SMC5: variants seen among roughly 807,000 people sequenced by gnomAD.
The protein encoded by SMC5 is structural maintenance of chromosomes protein 5.
In SMC5, 88 loss-of-function variants were observed where a neutral mutation model predicts 148.3. The ratio of observed to expected loss-of-function variants is 0.59; its 90% CI spans 0.50 to 0.71. The LOEUF (loss-of-function observed/expected upper bound fraction) is 0.71, where lower values mean the gene tolerates loss of function less well. SMC5 is among the 30% of genes least tolerant of loss of function. The pLI is 0.00. For missense variants in SMC5, 1,142 were observed against 1,298.9 expected (o/e 0.88, Z 1.86); for synonymous variants, 421 against 432.8 (o/e 0.97, Z 0.34).
chr9:70,283,408 A>G (rs1265261506), intron 7 of SMC5, among the ~76,000 whole-genome samples: 1 of 152,210 alleles, frequency 6.6e-6, no homozygotes, highest in Non-Finnish European at 1.5e-5. Context: ...CAGAGGTTGC[A>G]GTGAGCTGAG....
At chr9:70,293,279 A>G (rs1009421970) in intron 8 of SMC5, among the ~76,000 whole-genome samples, 4 of 152,090 alleles carry the variant, frequency 2.6e-5, no homozygotes, top group Admixed American at 1.3e-4. Context: ...TTTGATATGT[A>G]TAGAATCTGC....
At chr9:70,290,655 C>A (rs756600932) in intron 8 of SMC5, among the ~76,000 whole-genome samples, 2 of 152,172 alleles carry the variant, frequency 1.3e-5, no homozygotes, top group Non-Finnish European at 2.9e-5. Flanking sequence ...CTTAAAGATG[C>A]CTTTTAGTAT....
intron 17 of SMC5, among the ~76,000 whole-genome samples, chr9:70,325,896 A>G (rs1266507044): frequency 6.6e-6 from 1 of 152,128 alleles, no homozygotes; most frequent in Non-Finnish European, 1.5e-5. Context: ...TAAGGATATT[A>G]TATAAGATAT....
chr9:70,325,889 G>A (rs2036065118), intron 17 of SMC5, among the ~76,000 whole-genome samples: 1 of 151,864 alleles, frequency 6.6e-6, no homozygotes, highest in Admixed American at 6.6e-5. Context: ...AAGGACATAA[G>A]GATATTATAT....
At chr9:70,321,713 T>G (rs1009553244) in intron 15 of SMC5, among the ~76,000 whole-genome samples, 1 of 152,150 alleles carries the variant, frequency 6.6e-6, no homozygotes, top group Non-Finnish European at 1.5e-5. Flanking sequence ...AACTGCTGAT[T>G]TATTGTGAAA....
intron 10 of SMC5, among the ~76,000 whole-genome samples, chr9:70,301,659 A>G (rs2035360561): frequency 6.6e-6 from 1 of 152,242 alleles, no homozygotes; most frequent in African/African-American, 2.4e-5. Context: ...AGTAGTGTTT[A>G]TGATAGCAAA....
intron 17 of SMC5, among the ~76,000 whole-genome samples, chr9:70,341,428 T>G (rs2036520385): frequency 6.6e-6 from 1 of 152,204 alleles, no homozygotes; most frequent in Non-Finnish European, 1.5e-5. Context: ...GCTCCTTGTT[T>G]TGCATTTGCC....
At chr9:70,270,524 C>G (rs2034418262) in intron 3 of SMC5, among the ~76,000 whole-genome samples, 1 of 152,044 alleles carries the variant, frequency 6.6e-6, no homozygotes, top group Admixed American at 6.6e-5. Flanking sequence ...TTCTGGTGAC[C>G]AGCCCACATC....
chr9:70,295,433 T>C (rs1398179408), intron 8 of SMC5, among the ~76,000 whole-genome samples: 2 of 142,334 alleles, frequency 1.4e-5, no homozygotes, highest in African/African-American at 5.3e-5. Context: ...ATTGCACCAC[T>C]GCACTCCAGC....
intron 22 of SMC5, 97 bp downstream of exon 22, chr9:70,348,135 C>G (rs577312101): frequency 1.7e-6 from 2 of 1,169,356 alleles, no homozygotes; most frequent in Non-Finnish European, 2.3e-6. Flanking sequence ...TGAGTTATAT[C>G]TGTGAAAAGT....
intron 1 of SMC5, 62 bp downstream of exon 1, chr9:70,259,325 T>G (rs2117888447): frequency 6.8e-7 from 1 of 1,476,480 alleles, no homozygotes; most frequent in Admixed American, 2.4e-5. Context: ...GCCCCGGGGC[T>G]CCGGCAGCGC....
chr9:70,342,187 A>G (rs908378042), intron 17 of SMC5, among the ~76,000 whole-genome samples: 6 of 147,466 alleles, frequency 4.1e-5, no homozygotes, highest in Non-Finnish European at 7.4e-5. Flanking sequence ...GGAATTGAAC[A>G]ATGAGAACAC....
rs750722320 is a variant in SMC5 at position 70,318,598 on chromosome 9, A to G, written c.1891A>G (p.Ile631Val). 1.9e-6 allele frequency: 3 copies of G among 1,613,008 alleles called. No homozygotes were observed. Among genetic ancestry groups the G allele is most frequent in the East Asian group, 2.2e-5 (1 of 44,814 alleles). ...AACTTCTTTTTATTCAAACAAAGTT[A>G]TTTCTAGTAACACATCTCTAAAAGT... ...VKTSFYSNKV[I>V]SSNTSLKVAQ... is the part of the protein sequence containing the mutation. The change falls in exon 14 of 25, where the codon ATT (isoleucine) becomes GTT (valine). Residue 631 changes from isoleucine to valine, a missense_variant. By Grantham distance (29) the Ile-to-Val change is conservative (BLOSUM62 3). Around this residue, in one of 5 missense-constraint regions of SMC5, gnomAD observed 743 missense variants for 835.7 expected, o/e 0.89. Transcript: ENST00000361138.
chr9:70,343,744 A>AGGCAGAG (rs2036585682), intron 17 of SMC5, among the ~76,000 whole-genome samples: 1 of 152,116 alleles, frequency 6.6e-6, no homozygotes, highest in Admixed American at 6.5e-5. Flanking sequence ...TGAATCTGGG[A>AGGCAGAG]GGCAGAGGTT....
intron 8 of SMC5, among the ~76,000 whole-genome samples, chr9:70,293,743 G>A (rs2035126621): frequency 6.6e-6 from 1 of 151,796 alleles, no homozygotes; most frequent in South Asian, 2.1e-4. Flanking sequence ...TTCTAGTTTT[G>A]GGCTACTGCC....
At chr9:70,318,394 A>AG in intron 13 of SMC5, 120 bp from the exon 14 acceptor site, 1 of 867,164 alleles carries the variant, frequency 1.2e-6, no homozygotes, top group South Asian at 2.4e-5. Context: ...TCTAAAAAAA[A>AG]AAAATGTATA....
Position 70,305,241 on chromosome 9 carries a change from G to A in SMC5, c.1465-6G>A, listed in dbSNP as rs756898260. On this transcript the variant is annotated splice_region_variant and splice_polypyrimidine_tract_variant and intron_variant, in intron 10 of 24. Coordinates refer to ENST00000361138, the MANE Select transcript of SMC5 (RefSeq NM_015110.4). ...AAATTCGACCTTTTTTTGCTTGTTT[G>A]TTTAGATCAATATGAAAGATAATAA... 1 of 1,372,384 alleles carries A rather than the reference G, an allele frequency of 7.3e-7. No homozygotes were observed. Among genetic ancestry groups the A allele is most frequent in the East Asian group, 2.3e-5 (1 of 43,284 alleles). The allele number at this position is 1,372,384 out of a possible 1,614,324, so 85.0% of individuals were successfully genotyped here.
intron 24 of SMC5, 121 bp from the exon 25 acceptor site, chr9:70,352,070 G>GAA (rs112696826): frequency 5.1e-5 from 46 of 905,044 alleles, no homozygotes; most frequent in African/African-American, 6.8e-5. Context: ...AGCAGAGTGG[G>GAA]AAAAAAAAAG....
At chr9:70,278,831 G>A (rs542341033) in intron 5 of SMC5, among the ~76,000 whole-genome samples, 36 of 152,176 alleles carry the variant, frequency 2.4e-4, no homozygotes, top group Admixed American at 4.6e-4. Flanking sequence ...GACTATTTCA[G>A]CAAATACGTA....
Sources: allele counts gnomAD v4.1 joint callset (sites outside exome capture counted in the v4.1 genomes callset), GRCh38; gene constraint gnomAD v4.1.1; regional missense constraint gnomAD v4.1.1; transcripts MANE v1.5; gene names NCBI Gene and HGNC (gene_info 2026-07-23, HGNC 2026-07-21).